PRKG2: variants seen among roughly 807,000 people sequenced by gnomAD.
The protein encoded by PRKG2 is cGMP-dependent protein kinase 2.
A neutral mutation model predicts 97.2 loss-of-function variants in PRKG2; 33 were observed. The observed-to-expected ratio is 0.34, with a 90% CI of 0.26 to 0.45. PRKG2 has a LOEUF of 0.45. PRKG2 is among the 20% of genes least tolerant of loss of function. The pLI is 1.00. For synonymous variants in PRKG2, 330 were observed against 321.8 expected (o/e 1.03, Z -0.27); for missense variants, 638 against 900.0 (o/e 0.71, Z 3.73).
chr4:81,171,887 A>G, intron 3 of PRKG2, 83 bp from the exon 4 acceptor site: 2 of 918,752 alleles, frequency 2.2e-6, no homozygotes, highest in Non-Finnish European at 3.3e-6. Flanking sequence ...TAAAACAATC[A>G]TAAAGCACAC....
chr4:81,192,982 C>G (rs1283852624), intron 2 of PRKG2: 1 of 152,222 alleles, frequency 6.6e-6, no homozygotes, highest in African/African-American at 2.4e-5. Flanking sequence ...GGCTCTCAAT[C>G]TTTCTTCTCT....
chr4:81,137,563 T>A, intron 12 of PRKG2, 81 bp from the exon 13 acceptor site: 1 of 1,082,832 alleles, frequency 9.2e-7, no homozygotes. Context: ...ACTATCATCA[T>A]AACATTAGGA....
At chr4:81,167,878 T>C (rs1465409257) in intron 5 of PRKG2, among the ~76,000 whole-genome samples, 1 of 151,976 alleles carries the variant, frequency 6.6e-6, no homozygotes, top group Non-Finnish European at 1.5e-5. Context: ...AGGAAGAGGC[T>C]GGAAAGAACA....
intron 3 of PRKG2, chr4:81,173,947 T>C (rs1020717888): frequency 6.6e-6 from 1 of 152,052 alleles, no homozygotes; most frequent in East Asian, 1.9e-4. Context: ...CAGTTTTAAC[T>C]TTTTTCCCTA....
chr4:81,157,914 T>G (rs1368508961), intron 6 of PRKG2, among the ~76,000 whole-genome samples: 1 of 147,220 alleles, frequency 6.8e-6, no homozygotes, highest in African/African-American at 2.7e-5. Context: ...AAATTAGGTA[T>G]TGATGGGACG....
intron 2 of PRKG2, among the ~76,000 whole-genome samples, chr4:81,178,090 G>A (rs1246337889): frequency 7.6e-6 from 1 of 131,168 alleles, no homozygotes; most frequent in Admixed American, 7.5e-5. Context: ...TGGGGTCCTG[G>A]TAACCACCCA....
intron 6 of PRKG2, among the ~76,000 whole-genome samples, chr4:81,157,779 A>G (rs10021750): frequency 0.084 from 12,481 of 149,364 alleles, 1,838 homozygotes; most frequent in African/African-American, 0.3. Flanking sequence ...TTCAATATAC[A>G]CAAATCAATA....
rs771176653 is a variant in PRKG2 at position 81,102,737 on chromosome 4, C to T, written c.2126+1633G>A. ...CAGTATTGAATACATGGCTTTATGT[C>T]GAGTAAGTTCATTAACACATACAGT... On this transcript the variant is annotated intron_variant, in intron 17 of 18. Coordinates refer to ENST00000264399, the MANE Select transcript of PRKG2 (RefSeq NM_006259.3). Among the ~76,000 whole-genome samples the T allele has an allele frequency of 7.2e-5, 11 of 152,040 alleles. No individual in the cohort carries two copies. The East Asian group carries it at 7.7e-4, about 11-fold the overall frequency.
rs977248299 is a variant in PRKG2 at position 81,137,549 on chromosome 4, T to G, written c.1545-67A>C. On this transcript the variant is annotated intron_variant, in intron 12 of 18. Coordinates refer to ENST00000264399, the MANE Select transcript of PRKG2 (RefSeq NM_006259.3). ...GTTTAAAAACCTTTTTAAAGTTGCT[T>G]AGAACTATCATCATAACATTAGGAA... 3.2e-6 allele frequency: 4 copies of G among 1,241,940 alleles called. No individual in the cohort carries two copies. The Admixed American group carries it at 6.9e-5, about 21-fold the overall frequency. 76.9% of individuals were successfully genotyped at this position (1,241,940 alleles called of 1,614,324 possible). A position where few individuals can be genotyped will look rare whatever the true frequency, so the allele number is the denominator to read the frequency against.
chr4:81,134,614 C>T (rs1746491841), intron 14 of PRKG2, among the ~76,000 whole-genome samples: 1 of 152,078 alleles, frequency 6.6e-6, no homozygotes, highest in African/African-American at 2.4e-5. Flanking sequence ...ATATTAGGGA[C>T]CAGCAGATTA....
chr4:81,155,640 A>G (rs1749010531), intron 6 of PRKG2, among the ~76,000 whole-genome samples: 1 of 151,960 alleles, frequency 6.6e-6, no homozygotes, highest in African/African-American at 2.4e-5. Flanking sequence ...GATTCACCAA[A>G]GTTGAAATGA....
chr4:81,100,317 T>C (rs1326226562), intron 17 of PRKG2, among the ~76,000 whole-genome samples: 1 of 152,054 alleles, frequency 6.6e-6, no homozygotes, highest in Non-Finnish European at 1.5e-5. Flanking sequence ...CAAACTATAC[T>C]ACAAGGCTAC....
intron 2 of PRKG2, chr4:81,193,189 G>A (rs1752694323): frequency 6.6e-6 from 1 of 152,058 alleles, no homozygotes; most frequent in South Asian, 2.1e-4. Context: ...AACTTTACTT[G>A]TATTTCATTT....
rs528394622 is a variant in PRKG2 at position 81,099,037 on chromosome 4, C to T, written c.2126+5333G>A. 1.1e-4 allele frequency among the ~76,000 whole-genome samples: 17 copies of T among 152,256 alleles called. No individual in the cohort carries two copies. In the South Asian group the frequency reaches 3.5e-3, roughly 32 times the overall value. Reference sequence around the variant, plus strand: ...CCTGAACCTGAAACAAATGTTTCCTCTTCCTGTCAGGAAAGATGTCATTGT... The same window carrying T: ...CCTGAACCTGAAACAAATGTTTCCTTTTCCTGTCAGGAAAGATGTCATTGT... On this transcript the variant is annotated intron_variant, in intron 17 of 18. Transcript: ENST00000264399.
intron 2 of PRKG2, chr4:81,175,978 TC>T (rs1268385417): frequency 6.6e-5 from 10 of 152,126 alleles, no homozygotes; most frequent in African/African-American, 2.4e-4. Context: ...TCAAACTCTC[TC>T]CCAATTACTG....
chr4:81,135,226 G>T lies in PRKG2; in HGVS notation c.1705C>A (p.Arg569=). ...AAGTCTCTGTAGATAATACCTAGTC[G>T]ATGCAGGTAATCAAATGCTTCTGTC... The part of the protein sequence containing the change: ...CVTEAFDYLH[R]LGIIYRDLKP... Residue 569 remains arginine (R), a synonymous_variant, in exon 14 of 19, where the codon CGA becomes AGA. Coordinates refer to ENST00000264399, the MANE Select transcript of PRKG2 (RefSeq NM_006259.3). 1 of 1,611,988 alleles carries T rather than the reference G, an allele frequency of 6.2e-7. No homozygotes were observed. Among genetic ancestry groups the T allele is most frequent in the Non-Finnish European group, 8.5e-7 (1 of 1,178,412 alleles).
intron 14 of PRKG2, among the ~76,000 whole-genome samples, chr4:81,133,738 T>C (rs1185953334): frequency 6.6e-6 from 1 of 152,166 alleles, no homozygotes; most frequent in Non-Finnish European, 1.5e-5. Flanking sequence ...GCAAATGAAT[T>C]AGCAGAATGG....
chr4:81,184,189 C>A (rs1199507758), intron 2 of PRKG2, among the ~76,000 whole-genome samples: 3 of 152,178 alleles, frequency 2.0e-5, no homozygotes, highest in Non-Finnish European at 2.9e-5. Flanking sequence ...AACTGCCATG[C>A]GTACTGACTG....
intron 14 of PRKG2, among the ~76,000 whole-genome samples, chr4:81,134,521 G>T (rs975209463): frequency 6.6e-6 from 1 of 152,176 alleles, no homozygotes; most frequent in Non-Finnish European, 1.5e-5. Flanking sequence ...AGTTGTGACT[G>T]TCCAGTCTAT....
Sources: allele counts gnomAD v4.1 joint callset (sites outside exome capture counted in the v4.1 genomes callset), GRCh38; gene constraint gnomAD v4.1.1; transcripts MANE v1.5; gene names NCBI Gene and HGNC (gene_info 2026-07-23, HGNC 2026-07-21).